INCA1: variants seen among roughly 807,000 people sequenced by gnomAD.
INCA1 encodes protein INCA1.
Under a neutral mutation model 25.7 loss-of-function variants are expected in INCA1, and 28 were observed. That is an observed-to-expected ratio of 1.09 (90% CI 0.81 to 1.49). The LOEUF is 1.49. Ranked by LOEUF, INCA1 falls within the 40% of genes most tolerant of loss-of-function variation. The probability of loss-of-function intolerance (pLI) is 0.00; values close to 1 mark genes in which losing one functional copy is unlikely to be tolerated. For missense variants in INCA1, 309 were observed against 290.9 expected, an observed-to-expected ratio of 1.06 and a Z score of -0.45; for synonymous variants, 111 against 103.6, an observed-to-expected ratio of 1.07 and a Z score of -0.43.
chr17:4,996,383 A>G (rs1974262613), intron 1 of INCA1, among the ~76,000 whole-genome samples: 2 of 150,592 alleles, frequency 1.3e-5, no homozygotes, highest in Admixed American at 1.3e-4. Context: ...CCCTGTTTCT[A>G]AGAAGAAAAA....
rs1199986964 is a variant in INCA1 at position 4,994,376 on chromosome 17, C to G, written c.44+18G>C. Reference sequence around the variant, plus strand: ...CTCCATCCCATCCCCATGCTCCCCACCCAGTGGGAGGACTCACTTGGCAAA... The same window carrying G: ...CTCCATCCCATCCCCATGCTCCCCAGCCAGTGGGAGGACTCACTTGGCAAA... On this transcript the variant is annotated intron_variant, in intron 2 of 6. Transcript: ENST00000576820. The G allele has an allele frequency of 1.2e-6, 2 of 1,613,116 alleles. No individual in the cohort carries two copies. The highest frequency in any genetic ancestry group is 3.3e-5 in the Admixed American group (2 of 60,010).
At chr17:4,988,639 G>T (rs534261711) in intron 6 of INCA1, 85 bp from the exon 7 acceptor site, 172 of 1,571,440 alleles carry the variant, frequency 1.1e-4, no homozygotes, top group Non-Finnish European at 1.4e-4. Context: ...TAGGTACCTC[G>T]AAGTCTCTGG....
chr17:4,989,913 C>G (rs760375733), exon 4 of INCA1: 1 of 1,614,188 alleles, frequency 6.2e-7, no homozygotes. Flanking sequence ...ATGTGCTGCT[C>G]CTCCAGCCAA....
chr17:4,993,858 G>C (rs181540617), intron 2 of INCA1, among the ~76,000 whole-genome samples: 1 of 141,238 alleles, frequency 7.1e-6, no homozygotes, highest in Admixed American at 7.8e-5. Flanking sequence ...TGCAACCCCT[G>C]CCTCCTGGGT....
rs548081025 is a variant in INCA1, at chr17:4,993,122, C to T, written c.44+1272G>A. On this transcript the variant is annotated intron_variant, in intron 2 of 6. Transcript: ENST00000576820. The stretch of plus-strand genomic sequence containing the variant: ...CTTGAACCCCTGACCTAAGGTAATC[C>T]GCCCGCCTTGGCCTCCCAAAGTGCT... Among the ~76,000 whole-genome samples the T allele has an allele frequency of 2.1e-4, 32 of 151,382 alleles. No homozygotes were observed. In the East Asian group the frequency reaches 3.5e-3, roughly 17 times the overall value.
At chr17:4,996,154 G>T (rs1281375863) in intron 1 of INCA1, among the ~76,000 whole-genome samples, 1 of 152,150 alleles carries the variant, frequency 6.6e-6, no homozygotes, top group African/African-American at 2.4e-5. Flanking sequence ...GGAGGCGGAA[G>T]TGGGTGGATT....
exon 3 of INCA1, chr17:4,990,201 G>A: frequency 1.9e-6 from 3 of 1,614,156 alleles, no homozygotes; most frequent in South Asian, 1.1e-5. Flanking sequence ...TAACGCTGGG[G>A]CATGGGTCTG....
chr17:4,995,553 G>T (rs1228656861), intron 1 of INCA1, among the ~76,000 whole-genome samples: 1 of 152,106 alleles, frequency 6.6e-6, no homozygotes, highest in African/African-American at 2.4e-5. Flanking sequence ...CCAGCACTTT[G>T]CGGGGCTGGG....
upstream of INCA1, chr17:4,997,238 G>A (rs1263839277): frequency 6.6e-6 from 1 of 152,284 alleles, no homozygotes; most frequent in African/African-American, 2.4e-5. Context: ...GGACCTTCCG[G>A]GCAGCCCCGC....
At position 4,996,666 on chromosome 17, in the gene INCA1, C is replaced by CAAA. The variant is rs35732129; in HGVS notation, c.-39+334_-39+336dup. Reference sequence around the variant, plus strand: ...TGGGCAACAGAGCAAGACTCCGTCTCAAAAAAAAAAAAAAAAAAAAAAAAA... The same window carrying CAAA: ...TGGGCAACAGAGCAAGACTCCGTCTCAAAAAAAAAAAAAAAAAAAAAAAAAAAA... On this transcript the variant is annotated intron_variant, in intron 1 of 6. Transcript: ENST00000576820. Among the ~76,000 whole-genome samples, 162 of 51,770 alleles carry CAAA rather than the reference C, an allele frequency of 3.1e-3. 8 individuals are homozygous for CAAA. The highest frequency in any genetic ancestry group is 3.2e-3 in the East Asian group (4 of 1,252). The allele number at this position is 51,770 out of a possible 152,430, so 34.0% of individuals were successfully genotyped here. A position where few individuals can be genotyped will look rare whatever the true frequency, so the allele number is the denominator to read the frequency against.
At chr17:4,993,984 C>G (rs1001073394) in intron 2 of INCA1, among the ~76,000 whole-genome samples, 1 of 150,230 alleles carries the variant, frequency 6.7e-6, no homozygotes, top group Admixed American at 6.7e-5. Context: ...GTTGGCCAGG[C>G]TGGTCTCGAA....
chr17:4,990,743 C>T (rs1217551805), intron 2 of INCA1, among the ~76,000 whole-genome samples: 3 of 151,202 alleles, frequency 2.0e-5, no homozygotes, highest in Admixed American at 2.0e-4. Context: ...ATTAGCCAGG[C>T]GTGGTGGCGG....
At chr17:4,990,260 G>C (rs549271505) in exon 3 of INCA1, 3 of 1,613,228 alleles carry the variant, frequency 1.9e-6, no homozygotes, top group South Asian at 2.2e-5. Flanking sequence ...GACCACCCTG[G>C]AACACCTGAG....
exon 7 of INCA1, chr17:4,988,437 A>G (rs759894989): frequency 2.5e-6 from 4 of 1,612,328 alleles, no homozygotes; most frequent in Non-Finnish European, 3.4e-6. Flanking sequence ...TCCATCCCCC[A>G]GGGATTGTGA....
intron 2 of INCA1, among the ~76,000 whole-genome samples, chr17:4,991,482 T>C (rs1470508785): frequency 1.3e-5 from 2 of 152,218 alleles, no homozygotes; most frequent in African/African-American, 2.4e-5. Flanking sequence ...TCCTTGTAAA[T>C]AGGAGTGTGC....
intron 2 of INCA1, 125 bp from the exon 3 acceptor site, chr17:4,990,390 C>T (rs562520842): frequency 9.8e-7 from 1 of 1,024,630 alleles, no homozygotes. Flanking sequence ...GGGCCATGTC[C>T]TCTCTTAACC....
exon 3 of INCA1, chr17:4,990,223 A>C (rs138333859): frequency 2.5e-6 from 4 of 1,614,122 alleles, no homozygotes; most frequent in Non-Finnish European, 3.4e-6. Context: ...GGCTCTGGGA[A>C]GGCAACCTTG....
rs1053642422 is a variant in INCA1, at chr17:4,994,229, G to A, written c.44+165C>T. ...TGCCTAATACAGTCCCTGGAACATT[G>A]TAGTGTTCAAACTATTTGTTGAATA... On this transcript the variant is annotated intron_variant, in intron 2 of 6. Transcript: ENST00000576820. Among the ~76,000 whole-genome samples the A allele has an allele frequency of 3.9e-5, 6 of 152,216 alleles. No individual in the cohort carries two copies. The South Asian group carries it at 8.3e-4, about 21-fold the overall frequency.
intron 5 of INCA1, 127 bp from the exon 6 acceptor site, chr17:4,989,071 C>A: frequency 9.6e-7 from 1 of 1,044,176 alleles, no homozygotes; most frequent in Non-Finnish European, 1.3e-6. Context: ...GACCTTTAAC[C>A]CTCCACTCCC....
Sources: gnomAD v4.1 joint callset for allele counts (sites outside exome capture counted in the v4.1 genomes callset) on GRCh38, gnomAD v4.1.1 for gene constraint, MANE v1.5 for transcripts, NCBI Gene and HGNC (gene_info 2026-07-23, HGNC 2026-07-21) for gene names.